The following NAALADL2 variants were observed in gnomAD, a reference collection of about 807,000 sequenced individuals.
The protein encoded by NAALADL2 is N-acetylated alpha-linked acidic dipeptidase like 2, also known as inactive N-acetylated-alpha-linked acidic dipeptidase-like protein 2.
A neutral mutation model predicts 87.2 loss-of-function variants in NAALADL2; 76 were observed. That is an observed-to-expected ratio of 0.87 (90% CI 0.72 to 1.05). The LOEUF is 1.05. NAALADL2 is among the 50% of genes least tolerant of loss of function. NAALADL2 has a pLI of 0.00. For synonymous variants in NAALADL2, 354 were observed against 331.0 expected, an observed-to-expected ratio of 1.07 and a Z score of -0.75; for missense variants, 1,089 against 945.8, an observed-to-expected ratio of 1.15 and a Z score of -1.99.
At chr3:175,325,735 G>C (rs1183385137) in intron 5 of NAALADL2, among the ~76,000 whole-genome samples, 2 of 152,150 alleles carry the variant, frequency 1.3e-5, no homozygotes, top group African/African-American at 4.8e-5. Flanking sequence ...AGCAAGTGTT[G>C]GCCAGAGTTG....
At chr3:174,548,699 A>G (rs1377352802) in intron 1 of NAALADL2, among the ~76,000 whole-genome samples, 1 of 152,128 alleles carries the variant, frequency 6.6e-6, no homozygotes, top group Non-Finnish European at 1.5e-5. Flanking sequence ...TGTTATTAAC[A>G]ATTTTCTAAT....
intron 9 of NAALADL2, among the ~76,000 whole-genome samples, chr3:175,548,272 C>T (rs1713725822): frequency 6.6e-6 from 1 of 152,008 alleles, no homozygotes; most frequent in South Asian, 2.1e-4. Flanking sequence ...GAACTAAAGG[C>T]CATTTTCCTT....
At chr3:174,456,967 C>T (rs1351318627) in intron 1 of NAALADL2, among the ~76,000 whole-genome samples, 6 of 152,042 alleles carry the variant, frequency 3.9e-5, no homozygotes, top group African/African-American at 7.2e-5. Context: ...GTGCATCTGA[C>T]ACAGGACTAA....
At position 175,431,577 on chromosome 3, in the gene NAALADL2, G is replaced by C. The variant is rs115467051; in HGVS notation, c.1091-15652G>C. 8.1e-3 allele frequency among the ~76,000 whole-genome samples: 1,235 copies of C among 152,022 alleles called. 18 individuals carry two copies. Among genetic ancestry groups the C allele is most frequent in the African/African-American group, 0.027 (1,140 of 41,496 alleles). On this transcript the variant is annotated intron_variant, in intron 5 of 13. Coordinates refer to ENST00000454872, the MANE Select transcript of NAALADL2 (RefSeq NM_207015.3). ...CCTGGGAAACTCCAGTTTAAGGAAT[G>C]TCGGCGTGCAGGCATTTGCAAAGCG...
chr3:175,301,235 T>A (rs1326623594), intron 4 of NAALADL2, among the ~76,000 whole-genome samples: 1 of 152,162 alleles, frequency 6.6e-6, no homozygotes, highest in Non-Finnish European at 1.5e-5. Flanking sequence ...CTCTGAACAC[T>A]GCTTTAGCTG....
At chr3:175,131,850 GGCGGCTGGCCGGGCGGGGTCT>G (rs1727981477) in intron 2 of NAALADL2, among the ~76,000 whole-genome samples, 1 of 83,112 alleles carries the variant, frequency 1.2e-5, no homozygotes. Flanking sequence ...TCCCGGACGG[GGCGGCTGGCCGGGCGGGGTCT>G]GACCCCCCCA....
chr3:175,441,988 T>G (rs1419248226), intron 5 of NAALADL2, among the ~76,000 whole-genome samples: 1 of 152,082 alleles, frequency 6.6e-6, no homozygotes, highest in South Asian at 2.1e-4. Context: ...TTTGCCCAGA[T>G]TAGAGTGCAG....
intron 11 of NAALADL2, among the ~76,000 whole-genome samples, chr3:175,642,840 A>G (rs1386700748): frequency 6.6e-6 from 1 of 152,172 alleles, no homozygotes; most frequent in Non-Finnish European, 1.5e-5. Context: ...CTCAGAGGAA[A>G]GCAGCCCTAT....
At chr3:175,783,462 G>A (rs1751446072) in intron 13 of NAALADL2, among the ~76,000 whole-genome samples, 1 of 151,572 alleles carries the variant, frequency 6.6e-6, no homozygotes, top group East Asian at 1.9e-4. Flanking sequence ...TATTCTCTTG[G>A]AAGCAATTGT....
At chr3:174,518,768 A>G (rs1720085142) in intron 1 of NAALADL2, among the ~76,000 whole-genome samples, 1 of 152,204 alleles carries the variant, frequency 6.6e-6, no homozygotes, top group African/African-American at 2.4e-5. Context: ...GTGAAAAAGA[A>G]GATAGGTAAA....
At chr3:175,107,930 A>G (rs1432549001) in intron 2 of NAALADL2, among the ~76,000 whole-genome samples, 1 of 147,074 alleles carries the variant, frequency 6.8e-6, no homozygotes, top group Non-Finnish European at 1.5e-5. Context: ...TTCACTTTCC[A>G]AATTTCACAA....
intron 5 of NAALADL2, among the ~76,000 whole-genome samples, chr3:175,382,939 G>A (rs753721427): frequency 6.6e-6 from 1 of 152,026 alleles, no homozygotes; most frequent in Non-Finnish European, 1.5e-5. Context: ...ACTAATACAA[G>A]TAAATCATCT....
chr3:175,279,845 C>T (rs1754055523), intron 4 of NAALADL2, among the ~76,000 whole-genome samples: 1 of 150,598 alleles, frequency 6.6e-6, no homozygotes, highest in East Asian at 1.9e-4. Flanking sequence ...ATGTAAACTG[C>T]AGGCTGCACT....
At chr3:175,285,079 C>T (rs751163596) in intron 4 of NAALADL2, among the ~76,000 whole-genome samples, 28 of 152,188 alleles carry the variant, frequency 1.8e-4, no homozygotes, top group Middle Eastern at 3.4e-3. Context: ...AAAACAGTCT[C>T]TTCATTATTA....
intron 2 of NAALADL2, among the ~76,000 whole-genome samples, chr3:175,202,149 A>G (rs563959357): frequency 6.6e-6 from 1 of 152,136 alleles, no homozygotes; most frequent in Non-Finnish European, 1.5e-5. Flanking sequence ...CTGGCCCAAA[A>G]TTCATATTCC....
chr3:174,976,408 A>G (rs934048340), intron 1 of NAALADL2, among the ~76,000 whole-genome samples: 1 of 152,192 alleles, frequency 6.6e-6, no homozygotes, highest in Non-Finnish European at 1.5e-5. Context: ...CAATTTGTTT[A>G]ATGTGTCTTC....
intron 9 of NAALADL2, among the ~76,000 whole-genome samples, chr3:175,505,965 A>G (rs1730255745): frequency 6.6e-6 from 1 of 152,154 alleles, no homozygotes; most frequent in Non-Finnish European, 1.5e-5. Context: ...TTCAAGACCA[A>G]TCAGAAACAT....
intron 10 of NAALADL2, among the ~76,000 whole-genome samples, chr3:175,597,641 T>C (rs986607323): frequency 2.6e-5 from 4 of 151,988 alleles, no homozygotes; most frequent in African/African-American, 9.7e-5. Flanking sequence ...GGGTCTGTCC[T>C]CTGCTTTGAA....
intron 12 of NAALADL2, among the ~76,000 whole-genome samples, chr3:175,745,560 ATTG>A (rs1182108180): frequency 6.6e-6 from 1 of 152,202 alleles, no homozygotes; most frequent in Admixed American, 6.5e-5. Context: ...TGCTATGGAA[ATTG>A]TTGTTATACT....
Sources: gnomAD v4.1 joint callset for allele counts (sites outside exome capture counted in the v4.1 genomes callset) on GRCh38, gnomAD v4.1.1 for gene constraint, MANE v1.5 for transcripts, NCBI Gene and HGNC (gene_info 2026-07-23, HGNC 2026-07-21) for gene names.